RAB2A: variants seen among roughly 807,000 people sequenced by gnomAD.
RAB2A encodes the protein RAB2A, member RAS oncogene family, also known as ras-related protein Rab-2A.
Under a neutral mutation model 32.5 loss-of-function variants are expected in RAB2A, and 7 were observed. The observed-to-expected ratio is 0.22, with a 90% CI of 0.12 to 0.40. RAB2A has a LOEUF of 0.40. Among genes scored for constraint, RAB2A ranks in the 10% least tolerant of loss-of-function variants. The pLI, the probability that RAB2A is intolerant of heterozygous loss-of-function variation, is 1.00. For synonymous variants in RAB2A, 79 were observed against 85.2 expected, an observed-to-expected ratio of 0.93 and a Z score of 0.40; for missense variants, 108 against 260.7, an observed-to-expected ratio of 0.41 and a Z score of 4.03.
chr8:60,527,096 A>G (rs56342714), intron 1 of RAB2A, among the ~76,000 whole-genome samples: 22,814 of 152,114 alleles, frequency 0.15, 1,856 homozygotes, highest in East Asian at 0.26. Flanking sequence ...ACTTATAATC[A>G]TGGCAGAAGG....
At chr8:60,527,592 A>C (rs1247795471) in intron 1 of RAB2A, among the ~76,000 whole-genome samples, 3 of 152,238 alleles carry the variant, frequency 2.0e-5, no homozygotes, top group Non-Finnish European at 1.5e-5. Context: ...TCATGGGGAC[A>C]CAGAGCCAAA....
intron 1 of RAB2A, chr8:60,558,464 TAGGGG>T (rs762294307): frequency 7.8e-6 from 4 of 513,584 alleles, no homozygotes; most frequent in South Asian, 5.7e-5. Flanking sequence ...TGTTTGTTCA[TAGGGG>T]AGTATGATAA....
At chr8:60,534,859 A>G (rs1807534001) in intron 1 of RAB2A, among the ~76,000 whole-genome samples, 1 of 151,838 alleles carries the variant, frequency 6.6e-6, no homozygotes, top group African/African-American at 2.4e-5. Flanking sequence ...AGTGGGGCAG[A>G]TTTCTACCCT....
chr8:60,562,131 TC>T (rs1337583146), intron 2 of RAB2A, among the ~76,000 whole-genome samples: 4 of 152,202 alleles, frequency 2.6e-5, no homozygotes, highest in African/African-American at 9.7e-5. Context: ...ACAGTTCTTT[TC>T]TGAACAACTG....
At chr8:60,589,656 A>T (rs1803909354) in intron 5 of RAB2A, among the ~76,000 whole-genome samples, 2 of 152,220 alleles carry the variant, frequency 1.3e-5, no homozygotes, top group South Asian at 4.1e-4. Context: ...TACTTAAGTA[A>T]CCTAAGCAAC....
chr8:60,518,779 C>A (rs1233007339), intron 1 of RAB2A, among the ~76,000 whole-genome samples: 3 of 151,942 alleles, frequency 2.0e-5, no homozygotes, highest in African/African-American at 7.3e-5. Flanking sequence ...AAGGAGAATT[C>A]TAAAGTCTTC....
chr8:60,565,744 T>C, intron 2 of RAB2A, among the ~76,000 whole-genome samples: 1 of 109,572 alleles, frequency 9.1e-6, no homozygotes, highest in Non-Finnish European at 1.8e-5. Context: ...CAAGTCTCGC[T>C]CTGTCACCCA....
intron 3 of RAB2A, among the ~76,000 whole-genome samples, chr8:60,580,566 T>G (rs1215303899): frequency 6.6e-6 from 1 of 152,214 alleles, no homozygotes; most frequent in African/African-American, 2.4e-5. Context: ...TATTATAAAG[T>G]AATCATAGAT....
Position 60,554,453 on chromosome 8 carries a change from A to G in RAB2A, c.47-4399A>G, listed in dbSNP as rs530324590. On this transcript the variant is annotated intron_variant, in intron 1 of 7. Coordinates refer to ENST00000262646, the MANE Select transcript of RAB2A (RefSeq NM_002865.3). ...GAGAAGCTGTGTTTTGTTCTTTTCT[A>G]TCATGGGTAGGGTGAATCACAGGTT... Among the ~76,000 whole-genome samples the G allele has an allele frequency of 4.3e-4, 65 of 152,318 alleles. 1 individual carries two copies. The South Asian group carries it at 0.013, about 31-fold the overall frequency.
At chr8:60,552,520 T>G (rs919160276) in intron 1 of RAB2A, 1 of 152,240 alleles carries the variant, frequency 6.6e-6, no homozygotes, top group Non-Finnish European at 1.5e-5. Context: ...GATGGATTCA[T>G]TGTTTTACAT....
In RAB2A at chr8:60,549,559, A is replaced by C. The variant is rs141426852; in HGVS notation, c.47-9293A>C. ...TGGGGATTGGAGCTACTTCACATGG[A>C]ATGGCAAAGGACGGCATCTGTAATG... is the stretch of plus-strand genomic sequence containing the variant. On this transcript the variant is annotated intron_variant, in intron 1 of 7. Transcript: ENST00000262646. 1.3e-3 allele frequency among the ~76,000 whole-genome samples: 197 copies of C among 151,028 alleles called. 1 individual carries two copies. The highest frequency in any genetic ancestry group is 4.6e-3 in the African/African-American group (189 of 41,072).
At chr8:60,550,469 C>T (rs1807828868) in intron 1 of RAB2A, among the ~76,000 whole-genome samples, 1 of 151,682 alleles carries the variant, frequency 6.6e-6, no homozygotes, top group African/African-American at 2.4e-5. Flanking sequence ...GCTGCAACCT[C>T]CACCTCCCAG....
intron 6 of RAB2A, among the ~76,000 whole-genome samples, chr8:60,605,828 A>AATGTATATATAT (rs1554559170): frequency 8.8e-6 from 1 of 114,004 alleles, no homozygotes; most frequent in East Asian, 2.5e-4. Context: ...AAAAGGGACT[A>AATGTATATATAT]ATACATATAT....
intron 1 of RAB2A, among the ~76,000 whole-genome samples, chr8:60,529,893 G>T (rs886364710): frequency 1.3e-5 from 2 of 152,294 alleles, no homozygotes; most frequent in South Asian, 2.1e-4. Flanking sequence ...GGATTTGTGG[G>T]TGGAAGGTGT....
intron 6 of RAB2A, among the ~76,000 whole-genome samples, chr8:60,614,394 A>G (rs625850): frequency 0.39 from 58,254 of 151,058 alleles, 11,376 homozygotes; most frequent in East Asian, 0.55. Flanking sequence ...CATGGTACCT[A>G]CAGAAGTTCT....
intron 1 of RAB2A, among the ~76,000 whole-genome samples, chr8:60,556,360 G>A (rs1232192875): frequency 6.6e-6 from 1 of 152,004 alleles, no homozygotes; most frequent in Non-Finnish European, 1.5e-5. Context: ...GAGGATTTTT[G>A]AATGTTACCA....
At chr8:60,606,658 T>C (rs1804236660) in intron 6 of RAB2A, among the ~76,000 whole-genome samples, 1 of 152,234 alleles carries the variant, frequency 6.6e-6, no homozygotes, top group Non-Finnish European at 1.5e-5. Context: ...ATAACACTAA[T>C]ATACAACCAC....
At chr8:60,566,842 T>C (rs1280472022) in intron 2 of RAB2A, among the ~76,000 whole-genome samples, 4 of 152,222 alleles carry the variant, frequency 2.6e-5, no homozygotes, top group African/African-American at 7.2e-5. Flanking sequence ...GCTCCTACTT[T>C]ATAAGCAAGA....
intron 1 of RAB2A, among the ~76,000 whole-genome samples, chr8:60,534,187 T>A (rs1380411459): frequency 4.6e-5 from 7 of 152,250 alleles, no homozygotes. Context: ...GATTTCAGAT[T>A]GTCAGTAAAC....
Sources: gnomAD v4.1 joint callset for allele counts (sites outside exome capture counted in the v4.1 genomes callset) on GRCh38, gnomAD v4.1.1 for gene constraint, MANE v1.5 for transcripts, NCBI Gene and HGNC (gene_info 2026-07-23, HGNC 2026-07-21) for gene names.